Variants in WDFY3 observed in about 807,000 individuals in gnomAD.
WDFY3 encodes WD repeat and FYVE domain containing 3.
In WDFY3, 66 loss-of-function variants were observed where a neutral mutation model predicts 409.6. The ratio of observed to expected loss-of-function variants is 0.16; its 90% confidence interval spans 0.13 to 0.20. WDFY3 has a LOEUF of 0.20. WDFY3 is among the 10% of genes least tolerant of loss of function. The pLI is 1.00. For missense variants in WDFY3, 3,031 were observed against 4,298.1 expected, an observed-to-expected ratio of 0.71 and a Z score of 8.24; for synonymous variants, 1,521 against 1,537.1, an observed-to-expected ratio of 0.99 and a Z score of 0.25.
chr4:84,812,537 A>G (rs1249458762), intron 13 of WDFY3, among the ~76,000 whole-genome samples: 2 of 152,202 alleles, frequency 1.3e-5, no homozygotes, highest in African/African-American at 4.8e-5. Flanking sequence ...AAGGAAATAC[A>G]TGTAAGAACC....
At chr4:84,678,430 G>A (rs1726736136) in intron 65 of WDFY3, 151 bp from the exon 66 acceptor site, 2 of 588,962 alleles carry the variant, frequency 3.4e-6, no homozygotes, top group African/African-American at 1.8e-5. Context: ...TGCCTTGGTT[G>A]AAAGTAAAGC....
Position 84,766,005 on chromosome 4 carries a change from T to C in WDFY3, c.4993A>G (p.Thr1665Ala), listed in dbSNP as rs1413336821. Reference sequence around the variant, plus strand: ...ATCATGATCCAGTCAAAACCCAGTGTCTTCACCAGTTCTTCACAAGCTCTA... The same window carrying C: ...ATCATGATCCAGTCAAAACCCAGTGCCTTCACCAGTTCTTCACAAGCTCTA... ...NLQACEELVK[T>A]LGFDWIMMFM... Residue 1665 changes from threonine (T) to alanine (A), a missense_variant, in exon 32 of 68, where the codon ACA becomes GCA. Physicochemically the swap from Thr to Ala is moderately conservative, Grantham distance 58. This residue lies in a region of WDFY3 where 342 missense variants were observed against 463.7 expected (regional missense o/e 0.74). Transcript: ENST00000295888. 6.2e-7 allele frequency: 1 copy of C among 1,614,008 alleles called. No homozygotes were observed. Among genetic ancestry groups the C allele is most frequent in the South Asian group, 1.1e-5 (1 of 91,078 alleles).
chr4:84,691,935 T>G (rs1246975634), intron 59 of WDFY3, 150 bp from the exon 60 acceptor site: 1 of 815,332 alleles, frequency 1.2e-6, no homozygotes, highest in Non-Finnish European at 1.8e-6. Context: ...AGCTGGGCTT[T>G]TGAATCTCCT....
intron 32 of WDFY3, among the ~76,000 whole-genome samples, chr4:84,761,755 C>A (rs1460835957): frequency 6.6e-6 from 1 of 151,926 alleles, no homozygotes; most frequent in Non-Finnish European, 1.5e-5. Context: ...CGAACTCAAA[C>A]AAATTTACAA....
chr4:84,888,615 G>A (rs1764536494), intron 3 of WDFY3, among the ~76,000 whole-genome samples: 1 of 152,060 alleles, frequency 6.6e-6, no homozygotes, highest in Admixed American at 6.6e-5. Context: ...AAATGTAAAT[G>A]CAAAATATTT....
intron 1 of WDFY3, among the ~76,000 whole-genome samples, chr4:84,956,655 T>G (rs1436307529): frequency 1.3e-5 from 2 of 152,222 alleles, no homozygotes; most frequent in African/African-American, 4.8e-5. Flanking sequence ...GCTTCACATG[T>G]ACCTAGTTGA....
chr4:84,694,984 C>T (rs890930892), intron 58 of WDFY3, among the ~76,000 whole-genome samples: 10 of 151,902 alleles, frequency 6.6e-5, no homozygotes, highest in African/African-American at 1.9e-4. Flanking sequence ...AAAGGGAGTC[C>T]GTAGAGACAT....
At chr4:84,755,776 T>C (rs1560675183) in intron 33 of WDFY3, among the ~76,000 whole-genome samples, 2 of 151,964 alleles carry the variant, frequency 1.3e-5, no homozygotes, top group African/African-American at 4.8e-5. Context: ...TTCTTTCCCA[T>C]TCTCAGCAGT....
intron 5 of WDFY3, among the ~76,000 whole-genome samples, chr4:84,847,268 T>G (rs1758196600): frequency 6.6e-6 from 1 of 152,068 alleles, no homozygotes; most frequent in African/African-American, 2.4e-5. Flanking sequence ...AAGATCATCT[T>G]ATGTTGCAGC....
In WDFY3 at chr4:84,778,455, G is replaced by A. The variant is rs201733060; in HGVS notation, c.4518+48C>T. ...AATAGTTTATAATCATATGGAGTAA[G>A]AAATGCATTCATTGATTATATATTA... On this transcript the variant is annotated intron_variant, in intron 27 of 67. Coordinates refer to ENST00000295888, the MANE Select transcript of WDFY3 (RefSeq NM_014991.6). 2.2e-4 allele frequency: 316 copies of A among 1,452,834 alleles called. No homozygotes were observed. The African/African-American group carries it at 4.2e-3, about 19-fold the overall frequency. 90.0% of individuals were successfully genotyped at this position (1,452,834 alleles called of 1,614,324 possible).
At chr4:84,875,486 AG>A (rs1341539638) in intron 3 of WDFY3, among the ~76,000 whole-genome samples, 1 of 152,162 alleles carries the variant, frequency 6.6e-6, no homozygotes, top group Non-Finnish European at 1.5e-5. Flanking sequence ...CTGTACACTG[AG>A]GTTACACTAA....
chr4:84,690,473 G>A (rs534040972), intron 61 of WDFY3, 33 bp downstream of exon 61: 1 of 1,613,902 alleles, frequency 6.2e-7, no homozygotes, highest in East Asian at 2.2e-5. Flanking sequence ...GATGGACTAT[G>A]TCCTTCTTGG....
At chr4:84,682,303 A>G (rs891146547) in intron 64 of WDFY3, 71 bp downstream of exon 64, 7 of 1,417,468 alleles carry the variant, frequency 4.9e-6, no homozygotes, top group Non-Finnish European at 5.9e-6. Flanking sequence ...GTTGTTTGGT[A>G]TAAGCTTATC....
chr4:84,787,410 G>C, intron 23 of WDFY3, 72 bp downstream of exon 23: 3 of 1,425,294 alleles, frequency 2.1e-6, no homozygotes, highest in Non-Finnish European at 2.9e-6. Context: ...TATAACCTCA[G>C]ACACACACAT....
rs115810725 is a variant in WDFY3, at chr4:84,779,340, G to C, written c.4366-685C>G. Among the ~76,000 whole-genome samples, 1,050 of 151,822 alleles carry C rather than the reference G, an allele frequency of 6.9e-3. 13 individuals carry two copies. The highest frequency in any genetic ancestry group is 0.022 in the African/African-American group (922 of 41,414). The stretch of plus-strand genomic sequence containing the variant: ...GGCATTTGTACTTCGTGTATGATAG[G>C]TTTTAATCTTGCTTCAAGTATTTGT... On this transcript the variant is annotated intron_variant, in intron 26 of 67. Coordinates refer to ENST00000295888, the MANE Select transcript of WDFY3 (RefSeq NM_014991.6).
At chr4:84,774,741 AT>A in intron 29 of WDFY3, 78 bp downstream of exon 29, 1 of 1,449,394 alleles carries the variant, frequency 6.9e-7, no homozygotes, top group Admixed American at 2.4e-5. Flanking sequence ...ATAAAAACCA[AT>A]TAAATTCATC....
chr4:84,684,561 T>A (rs1231948507), intron 62 of WDFY3, among the ~76,000 whole-genome samples: 1 of 152,098 alleles, frequency 6.6e-6, no homozygotes, highest in Non-Finnish European at 1.5e-5. Context: ...AACCACAGGG[T>A]AGAAGAGGCA....
chr4:84,761,805 C>G (rs1291231050), intron 32 of WDFY3, among the ~76,000 whole-genome samples: 1 of 152,126 alleles, frequency 6.6e-6, no homozygotes. Context: ...GGGCAAAGGA[C>G]ATGAACAGAC....
chr4:84,716,371 G>A (rs949773645), intron 49 of WDFY3, among the ~76,000 whole-genome samples: 11 of 150,096 alleles, frequency 7.3e-5, no homozygotes, highest in Non-Finnish European at 1.5e-4. Flanking sequence ...CCAGGGAGGT[G>A]GAGCATGCAG....
Sources: gnomAD v4.1 joint callset for allele counts (sites outside exome capture counted in the v4.1 genomes callset) on GRCh38, gnomAD v4.1.1 for gene constraint, gnomAD v4.1.1 regional missense constraint, MANE v1.5 for transcripts, NCBI Gene and HGNC (gene_info 2026-07-23, HGNC 2026-07-21) for gene names.